Variants in PDE3A observed in about 807,000 individuals in gnomAD.
PDE3A encodes phosphodiesterase 3A.
In PDE3A, 43 loss-of-function variants were observed where a neutral mutation model predicts 98.3. The ratio of observed to expected loss-of-function variants is 0.44; its 90% CI spans 0.34 to 0.56. The LOEUF is 0.56. Ranked by LOEUF, PDE3A falls within the 20% of genes least tolerant of loss-of-function variation. PDE3A has a pLI of 0.01. For missense variants in PDE3A, 1,427 were observed against 1,440.7 expected, an observed-to-expected ratio of 0.99 and a Z score of 0.15; for synonymous variants, 663 against 567.9, an observed-to-expected ratio of 1.17 and a Z score of -2.38.
At chr12:20,442,359 G>A (rs1000870231) in intron 1 of PDE3A, among the ~76,000 whole-genome samples, 1 of 152,148 alleles carries the variant, frequency 6.6e-6, no homozygotes, top group African/African-American at 2.4e-5. Context: ...TCATGTTTGT[G>A]TAGATTGAAG....
chr12:20,648,549 A>G (rs1428451703), intron 12 of PDE3A, 139 bp from the exon 13 acceptor site: 3 of 639,044 alleles, frequency 4.7e-6, no homozygotes, highest in Admixed American at 5.2e-5. Flanking sequence ...GTAATAAGTG[A>G]TTCTTAATAA....
At chr12:20,675,822 C>CA (rs1403253117) in intron 15 of PDE3A, among the ~76,000 whole-genome samples, 1 of 152,138 alleles carries the variant, frequency 6.6e-6, no homozygotes, top group Non-Finnish European at 1.5e-5. Flanking sequence ...TTCTGTCTTT[C>CA]ACTTCTAGTC....
chr12:20,670,405 G>A (rs1437633760), intron 15 of PDE3A, among the ~76,000 whole-genome samples: 2 of 151,550 alleles, frequency 1.3e-5, no homozygotes, highest in Non-Finnish European at 2.9e-5. Flanking sequence ...ATTTTTTTCA[G>A]CACCACACCA....
chr12:20,377,878 T>C (rs539410565), intron 1 of PDE3A, among the ~76,000 whole-genome samples: 18 of 151,876 alleles, frequency 1.2e-4, no homozygotes, highest in African/African-American at 4.3e-4. Flanking sequence ...AGGGATTGCT[T>C]ATGGATACAC....
At chr12:20,403,804 A>T (rs184072903) in intron 1 of PDE3A, among the ~76,000 whole-genome samples, 8 of 152,264 alleles carry the variant, frequency 5.3e-5, no homozygotes, top group Admixed American at 5.2e-4. Flanking sequence ...CAATTCTAAT[A>T]AATTTTTATT....
intron 1 of PDE3A, among the ~76,000 whole-genome samples, chr12:20,474,100 G>A (rs1027375536): frequency 5.9e-5 from 9 of 152,246 alleles, no homozygotes; most frequent in Admixed American, 2.6e-4. Flanking sequence ...CACTCTCCCC[G>A]GCAGGGTGGG....
intron 1 of PDE3A, among the ~76,000 whole-genome samples, chr12:20,389,959 G>A (rs1253256595): frequency 6.6e-6 from 1 of 151,894 alleles, no homozygotes; most frequent in Non-Finnish European, 1.5e-5. Flanking sequence ...AAAACCCAGT[G>A]TATTCGTAAA....
chr12:20,665,860 T>A (rs932627423), intron 15 of PDE3A, among the ~76,000 whole-genome samples: 3 of 152,076 alleles, frequency 2.0e-5, no homozygotes, highest in Admixed American at 6.6e-5. Context: ...TATTTGTACA[T>A]ATTTATGTGG....
chr12:20,541,075 C>CTTTCTTTTTTTTT (rs1941890167), intron 1 of PDE3A, among the ~76,000 whole-genome samples: 1 of 52,958 alleles, frequency 1.9e-5, no homozygotes, highest in African/African-American at 6.8e-5. Flanking sequence ...TGGTAACTTT[C>CTTTCTTTTTTTTT]TTTTTTTTTT....
chr12:20,620,795 T>A (rs1944114048), intron 4 of PDE3A, among the ~76,000 whole-genome samples: 1 of 146,890 alleles, frequency 6.8e-6, no homozygotes, highest in African/African-American at 2.5e-5. Flanking sequence ...ACTAGATCAT[T>A]TCCGTCACAA....
At chr12:20,574,743 T>G (rs1032546124) in intron 2 of PDE3A, among the ~76,000 whole-genome samples, 1 of 151,976 alleles carries the variant, frequency 6.6e-6, no homozygotes, top group Non-Finnish European at 1.5e-5. Flanking sequence ...CCTTGGACCA[T>G]AGAGGATCAA....
chr12:20,654,129 T>G lies in PDE3A; in HGVS notation c.3108T>G (p.Thr1036=). ...AAGACAGCGATGAGTCAGGAGATAC[T>G]GATGACCCAGAAGAAGAGGAGGAAG... ...WVEDSDESGD[T]DDPEEEEEEA... Residue 1036 remains threonine (T), a synonymous_variant, in exon 15 of 16, where the codon ACT becomes ACG. Coordinates refer to ENST00000359062, the MANE Select transcript of PDE3A (RefSeq NM_000921.5). 1 of 1,614,022 alleles carries G rather than the reference T, an allele frequency of 6.2e-7. No individual in the cohort carries two copies. Among genetic ancestry groups the G allele is most frequent in the African/African-American group, 1.3e-5 (1 of 75,062 alleles).
At chr12:20,450,232 TG>T (rs1945040515) in intron 1 of PDE3A, 1 of 238,146 alleles carries the variant, frequency 4.2e-6, no homozygotes, top group Middle Eastern at 1.4e-3. Flanking sequence ...TTACTAGAGT[TG>T]TCTAGTTTCT....
At chr12:20,611,422 G>C (rs79016560) in intron 2 of PDE3A, among the ~76,000 whole-genome samples, 1 of 123,860 alleles carries the variant, frequency 8.1e-6, no homozygotes, top group Non-Finnish European at 1.8e-5. Flanking sequence ...TTCTGTTTTT[G>C]TTTTTTTGTT....
At chr12:20,594,411 A>G (rs1943415671) in intron 2 of PDE3A, among the ~76,000 whole-genome samples, 2 of 152,188 alleles carry the variant, frequency 1.3e-5, no homozygotes, top group African/African-American at 2.4e-5. Context: ...AGTCCTTTCT[A>G]TATTTAGAAA....
At chr12:20,654,883 T>A (rs1450529254) in intron 15 of PDE3A, among the ~76,000 whole-genome samples, 1 of 152,100 alleles carries the variant, frequency 6.6e-6, no homozygotes, top group Non-Finnish European at 1.5e-5. Flanking sequence ...TAGGTTTTTA[T>A]TGGCTTGGTT....
intron 1 of PDE3A, among the ~76,000 whole-genome samples, chr12:20,554,700 C>A (rs1037573475): frequency 6.6e-6 from 1 of 151,912 alleles, no homozygotes; most frequent in Non-Finnish European, 1.5e-5. Flanking sequence ...GATTCTCCTG[C>A]CTCAACCTCC....
At chr12:20,638,986 C>G (rs1048037609) in intron 9 of PDE3A, among the ~76,000 whole-genome samples, 7 of 152,134 alleles carry the variant, frequency 4.6e-5, no homozygotes, top group African/African-American at 1.4e-4. Context: ...TATCAGAAGC[C>G]TAGGGCTTTT....
chr12:20,562,202 A>G (rs1942540161), intron 2 of PDE3A, among the ~76,000 whole-genome samples: 2 of 147,326 alleles, frequency 1.4e-5, no homozygotes, highest in South Asian at 4.3e-4. Context: ...AAGTAAAGAG[A>G]GGCAACAGAA....
Sources: allele counts gnomAD v4.1 joint callset (sites outside exome capture counted in the v4.1 genomes callset), GRCh38; gene constraint gnomAD v4.1.1; transcripts MANE v1.5; gene names NCBI Gene and HGNC (gene_info 2026-07-23, HGNC 2026-07-21).